FAM47E: variants seen among roughly 807,000 people sequenced by gnomAD.
FAM47E encodes protein FAM47E.
In FAM47E, 32 loss-of-function variants were observed where a neutral mutation model predicts 41.6. The observed-to-expected ratio is 0.77, with a 90% CI of 0.58 to 1.03. The LOEUF (loss-of-function observed/expected upper bound fraction) is 1.03. FAM47E is among the 50% of genes least tolerant of loss of function. The pLI, the probability that FAM47E is intolerant of heterozygous loss-of-function variation, is 0.00. For missense variants in FAM47E, 424 were observed against 485.4 expected (o/e 0.87, Z 1.19); for synonymous variants, 184 against 188.7 (o/e 0.98, Z 0.20).
intron 5 of FAM47E, among the ~76,000 whole-genome samples, chr4:76,277,595 C>T (rs1560753340): frequency 6.6e-6 from 1 of 151,802 alleles, no homozygotes; most frequent in Non-Finnish European, 1.5e-5. Context: ...CCGTGCTGGG[C>T]TCACACTATT....
At chr4:76,280,133 T>C in intron 6 of FAM47E, 131 bp from the exon 7 acceptor site, 1 of 597,258 alleles carries the variant, frequency 1.7e-6, no homozygotes, top group Non-Finnish European at 2.9e-6. Flanking sequence ...ATTACACACA[T>C]ATTCAAAAAC....
At chr4:76,251,949 G>C (rs1442554248) in intron 1 of FAM47E, 129 bp downstream of exon 1, 5 of 1,212,248 alleles carry the variant, frequency 4.1e-6, no homozygotes, top group Non-Finnish European at 5.3e-6. Context: ...AATGCTTCCT[G>C]TACGTACAAC....
At chr4:76,260,423 A>G (rs903740632) in intron 2 of FAM47E, among the ~76,000 whole-genome samples, 17 of 152,200 alleles carry the variant, frequency 1.1e-4, no homozygotes, top group African/African-American at 4.1e-4. Context: ...ACCTACAACC[A>G]GCTGATCTTT....
At chr4:76,239,832 A>G (rs1046599108) in intron 2 of FAM47E, among the ~76,000 whole-genome samples, 6 of 151,922 alleles carry the variant, frequency 3.9e-5, no homozygotes, top group African/African-American at 1.5e-4. Context: ...CTTTTGCCCT[A>G]TGCTTTCTCC....
intron 1 of FAM47E, among the ~76,000 whole-genome samples, chr4:76,216,172 TAA>T (rs1459371770): frequency 6.6e-6 from 1 of 152,192 alleles, no homozygotes; most frequent in Non-Finnish European, 1.5e-5. Context: ...TCTCTGCTGT[TAA>T]GTTTCAGTTA....
chr4:76,225,338 C>T (rs1053439806), intron 2 of FAM47E, among the ~76,000 whole-genome samples: 1 of 152,168 alleles, frequency 6.6e-6, no homozygotes, highest in Admixed American at 6.5e-5. Flanking sequence ...ATATCATCAG[C>T]GAACAGTGAC....
intron 2 of FAM47E, among the ~76,000 whole-genome samples, chr4:76,245,787 CCTTT>C (rs1427788551): frequency 1.3e-5 from 2 of 152,176 alleles, no homozygotes; most frequent in Non-Finnish European, 2.9e-5. Context: ...CCACTATCTT[CCTTT>C]AAGTGTGTCT....
At chr4:76,226,085 C>G (rs564191527) in intron 2 of FAM47E, among the ~76,000 whole-genome samples, 1 of 144,960 alleles carries the variant, frequency 6.9e-6, no homozygotes. Context: ...AACACCAGGT[C>G]GTGGTGGCTA....
chr4:76,253,114 A>C (rs754611300), intron 1 of FAM47E, among the ~76,000 whole-genome samples: 1 of 152,200 alleles, frequency 6.6e-6, no homozygotes, highest in South Asian at 2.1e-4. Context: ...TTAGATAAAC[A>C]GAATAATACA....
intron 2 of FAM47E, among the ~76,000 whole-genome samples, chr4:76,262,822 G>A (rs1734475133): frequency 6.6e-6 from 1 of 152,222 alleles, no homozygotes; most frequent in East Asian, 1.9e-4. Flanking sequence ...GAGTGTAGTG[G>A]TGCAATTATA....
At chr4:76,263,681 C>T (rs1368305106) in intron 2 of FAM47E, 23 bp from the exon 3 acceptor site, 1 of 1,546,292 alleles carries the variant, frequency 6.5e-7, no homozygotes. Context: ...TTCTTTTCCT[C>T]TAAGACTATT....
intron 2 of FAM47E, among the ~76,000 whole-genome samples, chr4:76,245,559 G>A (rs533581846): frequency 4.1e-4 from 63 of 152,226 alleles, no homozygotes; most frequent in African/African-American, 1.4e-3. Flanking sequence ...TCCACTAGCC[G>A]AACCCAGCCC....
chr4:76,252,334 G>A (rs1437500216), intron 1 of FAM47E, among the ~76,000 whole-genome samples: 1 of 152,298 alleles, frequency 6.6e-6, no homozygotes, highest in East Asian at 1.9e-4. Flanking sequence ...GGTTGTGGTA[G>A]CCTCAGAGCA....
intron 3 of FAM47E, among the ~76,000 whole-genome samples, chr4:76,267,075 T>C (rs1317029452): frequency 6.6e-6 from 1 of 152,226 alleles, no homozygotes; most frequent in East Asian, 1.9e-4. Context: ...ACCCGGCATA[T>C]GTTTGTTTAC....
intron 2 of FAM47E, among the ~76,000 whole-genome samples, chr4:76,243,445 A>T (rs1304127558): frequency 6.6e-6 from 1 of 152,178 alleles, no homozygotes; most frequent in Non-Finnish European, 1.5e-5. Context: ...TATTACTGCA[A>T]ACTAACTTGG....
rs983420973 is a variant in FAM47E at position 76,217,706 on chromosome 4, C to A, written c.81+18C>A. 13 of 567,466 alleles carry A rather than the reference C, an allele frequency of 2.3e-5. No individual in the cohort carries two copies. The Middle Eastern group carries it at 7.9e-4, about 34-fold the overall frequency. 35.2% of individuals were successfully genotyped at this position (567,466 alleles called of 1,614,324 possible). A position where few individuals can be genotyped will look rare whatever the true frequency, so the allele number is the denominator to read the frequency against. ...AATCTCAGGTATTGTTATAGCAACA[C>A]AAACAGACAAGGGCGGAAAATGAGG... On this transcript the variant is annotated intron_variant, in intron 2 of 7. Coordinates refer to the FAM47E transcript ENST00000510197.
At chr4:76,262,639 T>C (rs1428054099) in intron 2 of FAM47E, among the ~76,000 whole-genome samples, 3 of 152,238 alleles carry the variant, frequency 2.0e-5, no homozygotes, top group Admixed American at 6.5e-5. Context: ...CATAAAAACA[T>C]TGAAACTTCA....
chr4:76,235,252 AG>A (rs1261754424), intron 2 of FAM47E, among the ~76,000 whole-genome samples: 1 of 152,192 alleles, frequency 6.6e-6, no homozygotes, highest in East Asian at 1.9e-4. Flanking sequence ...CGGGAGGCGG[AG>A]CTTGCAGTGA....
chr4:76,256,431 G>T lies in FAM47E; in HGVS notation c.328G>T (p.Ala110Ser). The part of the protein sequence containing the change: ...VLSKLSPAQQ[A>S]RKAFLEDVEA... ...TTCCAAGCTCTCGCCAGCCCAGCAG[G>T]CTCGGAAGGCATTCCTGGAGGACGT... is the stretch of plus-strand genomic sequence containing the variant. Residue 110 changes from alanine to serine, a missense_variant, in exon 2 of 8, where the codon GCT becomes TCT. Coordinates refer to ENST00000424749, the MANE Select transcript of FAM47E (RefSeq NM_001136570.3). The T allele has an allele frequency of 1.3e-6, 2 of 1,552,298 alleles. No individual in the cohort carries two copies. Among genetic ancestry groups the T allele is most frequent in the Non-Finnish European group, 1.7e-6 (2 of 1,147,422 alleles).
Sources: allele counts gnomAD v4.1 joint callset (sites outside exome capture counted in the v4.1 genomes callset), GRCh38; gene constraint gnomAD v4.1.1; transcripts MANE v1.5; gene names NCBI Gene and HGNC (gene_info 2026-07-23, HGNC 2026-07-21).